The following FOXP2 variants were observed in gnomAD, a reference collection of about 807,000 sequenced individuals.
FOXP2 encodes the protein forkhead box P2, also known as forkhead box protein P2.
A neutral mutation model predicts 115.8 loss-of-function variants in FOXP2; 12 were observed. The observed-to-expected ratio is 0.10, with a 90% CI of 0.07 to 0.17. The LOEUF (loss-of-function observed/expected upper bound fraction) is 0.17, where lower values mean the gene tolerates loss of function less well. Ranked by LOEUF, FOXP2 falls within the 10% of genes least tolerant of loss-of-function variation. The pLI, the probability that FOXP2 is intolerant of heterozygous loss-of-function variation, is 1.00. For missense variants in FOXP2, 629 were observed against 843.5 expected (o/e 0.75, Z 3.15); for synonymous variants, 328 against 297.7 (o/e 1.10, Z -1.05).
At chr7:114,378,964 C>T (rs1341226696) in intron 2 of FOXP2, among the ~76,000 whole-genome samples, 1 of 151,444 alleles carries the variant, frequency 6.6e-6, no homozygotes, top group Non-Finnish European at 1.5e-5. Flanking sequence ...AATATACAGC[C>T]CTTTAAGGTT....
rs555624495 is a variant in FOXP2, at chr7:114,349,128, G to T, written c.-11+61019G>T. 2.6e-3 allele frequency among the ~76,000 whole-genome samples: 395 copies of T among 149,244 alleles called. 3 individuals carry two copies. The highest frequency in any genetic ancestry group is 9.6e-3 in the African/African-American group (382 of 39,700). On this transcript the variant is annotated intron_variant, in intron 2 of 17. Transcript: ENST00000634411. ...CCATCAATGCTTGTGACTTTACTATGTTTTTTTTTCTGTATTCCGCAAATC... is the reference window on the plus strand; with the variant it reads ...CCATCAATGCTTGTGACTTTACTATTTTTTTTTTTCTGTATTCCGCAAATC...
At chr7:114,501,362 C>T (rs538912832) in intron 2 of FOXP2, among the ~76,000 whole-genome samples, 49 of 152,254 alleles carry the variant, frequency 3.2e-4, no homozygotes, top group Middle Eastern at 6.8e-3. Context: ...TTTCATTTCT[C>T]ACCTAAGCTG....
rs556622626 is a variant in FOXP2 at position 114,141,069 on chromosome 7, T to C, written c.-246-21875T>C. Among the ~76,000 whole-genome samples, 4 of 152,302 alleles carry C rather than the reference T, an allele frequency of 2.6e-5. No homozygotes were observed. In the South Asian group the frequency reaches 8.3e-4, roughly 32 times the overall value. Reference sequence around the variant, plus strand: ...TTAATTATGATGGTGGGAGAGTGTCTCTACAGGGGCCCAATAAATCATCTT... The same window carrying C: ...TTAATTATGATGGTGGGAGAGTGTCCCTACAGGGGCCCAATAAATCATCTT... On this transcript the variant is annotated intron_variant, in intron 1 of 19. Transcript: ENST00000635638.
rs1369994213 is a variant in FOXP2, at chr7:114,415,189, G to A, written c.-182G>A. ...GTGTACTCACAGTAGTGTAAATACT[G>A]CTGTAAATAGTTGTCTGATGGTGGC... On this transcript the variant is annotated 5_prime_UTR_variant, in exon 1 of 17. Coordinates refer to ENST00000350908, the MANE Select transcript of FOXP2 (RefSeq NM_014491.4). 2 of 454,198 alleles carry A rather than the reference G, an allele frequency of 4.4e-6. No homozygotes were observed. The highest frequency in any genetic ancestry group is 4.0e-5 in the African/African-American group (2 of 50,062). The allele number at this position is 454,198 out of a possible 1,614,324, so 28.1% of individuals were successfully genotyped here.
At chr7:114,224,748 G>A (rs73439577) in intron 1 of FOXP2, among the ~76,000 whole-genome samples, 50 of 152,158 alleles carry the variant, frequency 3.3e-4, no homozygotes, top group African/African-American at 1.1e-3. Flanking sequence ...GGAACTGCAG[G>A]ACTCAAGAGA....
At chr7:114,386,483 G>T (rs542175174) in intron 2 of FOXP2, among the ~76,000 whole-genome samples, 1 of 152,196 alleles carries the variant, frequency 6.6e-6, no homozygotes, top group African/African-American at 2.4e-5. Context: ...CTGGATCATA[G>T]AAGTCCTATA....
At chr7:114,134,119 A>G (rs1159809792) in intron 1 of FOXP2, among the ~76,000 whole-genome samples, 3 of 152,232 alleles carry the variant, frequency 2.0e-5, no homozygotes, top group Non-Finnish European at 2.9e-5. Flanking sequence ...CAGTTCCCAC[A>G]AAATAATGCT....
intron 1 of FOXP2, among the ~76,000 whole-genome samples, chr7:114,265,076 C>G (rs775507436): frequency 6.6e-6 from 1 of 152,126 alleles, no homozygotes; most frequent in African/African-American, 2.4e-5. Context: ...ATCTCATGTC[C>G]TTCTTACATT....
At chr7:114,190,349 G>C (rs1279775357) in intron 1 of FOXP2, among the ~76,000 whole-genome samples, 1 of 152,166 alleles carries the variant, frequency 6.6e-6, no homozygotes, top group African/African-American at 2.4e-5. Flanking sequence ...GGCCTGAATA[G>C]AACAGAAAGG....
intron 8 of FOXP2, chr7:114,645,134 A>ATG (rs1805810975): frequency 7.6e-5 from 1 of 13,238 alleles, no homozygotes; most frequent in Non-Finnish European, 1.3e-4. Context: ...ATCCTAATAT[A>ATG]TATATATATA....
intron 2 of FOXP2, among the ~76,000 whole-genome samples, chr7:114,430,148 A>G (rs561454145): frequency 9.7e-4 from 147 of 151,732 alleles, no homozygotes; most frequent in African/African-American, 3.3e-3. Flanking sequence ...AACCTCTCCT[A>G]TACACATTTT....
chr7:114,149,615 C>G (rs1302593469), intron 1 of FOXP2, among the ~76,000 whole-genome samples: 5 of 151,268 alleles, frequency 3.3e-5, no homozygotes, highest in Admixed American at 2.6e-4. Flanking sequence ...TTTTTTTTAT[C>G]TAGCAAACTG....
At chr7:114,169,895 A>T (rs557536074) in intron 1 of FOXP2, among the ~76,000 whole-genome samples, 9 of 152,226 alleles carry the variant, frequency 5.9e-5, no homozygotes, top group African/African-American at 2.2e-4. Flanking sequence ...TCCATGCACA[A>T]GCTCTCTCTT....
chr7:114,536,006 A>G (rs1799375082), intron 3 of FOXP2, among the ~76,000 whole-genome samples: 1 of 151,520 alleles, frequency 6.6e-6, no homozygotes, highest in Non-Finnish European at 1.5e-5. Context: ...ATGGGAGCGT[A>G]GGTGTAGTAT....
At chr7:114,228,291 AG>A (rs1794792064) in intron 1 of FOXP2, among the ~76,000 whole-genome samples, 1 of 152,032 alleles carries the variant, frequency 6.6e-6, no homozygotes, top group South Asian at 2.1e-4. Flanking sequence ...CAACTCTAGT[AG>A]TAAAGAACAG....
intron 2 of FOXP2, among the ~76,000 whole-genome samples, chr7:114,379,430 A>T (rs1371163208): frequency 2.0e-5 from 3 of 152,104 alleles, no homozygotes; most frequent in Non-Finnish European, 4.4e-5. Context: ...CCCTCTCAAC[A>T]GGAAAACCCA....
At chr7:114,276,547 A>G (rs576347595) in intron 1 of FOXP2, among the ~76,000 whole-genome samples, 22 of 152,120 alleles carry the variant, frequency 1.4e-4, no homozygotes, top group African/African-American at 5.1e-4. Flanking sequence ...TACTGTGAAA[A>G]TCCATTCATA....
chr7:114,675,134 G>A (rs1438659918), intron 16 of FOXP2, among the ~76,000 whole-genome samples: 2 of 152,032 alleles, frequency 1.3e-5, no homozygotes, highest in African/African-American at 4.8e-5. Flanking sequence ...CACACAAATG[G>A]AGATAACTAA....
At chr7:114,131,693 TA>T (rs1285112323) in intron 1 of FOXP2, among the ~76,000 whole-genome samples, 2 of 152,154 alleles carry the variant, frequency 1.3e-5, no homozygotes, top group Non-Finnish European at 2.9e-5. Context: ...TAGTAGCACA[TA>T]AAAAATTTGT....
Sources: allele counts gnomAD v4.1 joint callset (sites outside exome capture counted in the v4.1 genomes callset), GRCh38; gene constraint gnomAD v4.1.1; transcripts MANE v1.5; gene names NCBI Gene and HGNC (gene_info 2026-07-23, HGNC 2026-07-21).